Variants in ZNF804A observed in about 807,000 individuals in gnomAD.
ZNF804A encodes the protein zinc finger protein 804A.
ZNF804A carries 2 observed loss-of-function variants against 16.5 expected under a neutral mutation model. That is an observed-to-expected ratio of 0.12 (90% CI 0.05 to 0.38). ZNF804A has a LOEUF of 0.38. Ranked by LOEUF, ZNF804A falls within the 10% of genes least tolerant of loss-of-function variation. The pLI, the probability that ZNF804A is intolerant of heterozygous loss-of-function variation, is 0.99. For missense variants in ZNF804A, 1,473 were observed against 1,390.7 expected (o/e 1.06, Z -0.94); for synonymous variants, 534 against 489.6 (o/e 1.09, Z -1.20).
At chr2:184,916,787 C>T (rs527917318) in intron 2 of ZNF804A, among the ~76,000 whole-genome samples, 2 of 151,686 alleles carry the variant, frequency 1.3e-5, no homozygotes, top group Non-Finnish European at 1.5e-5. Context: ...GGCAGAGGCT[C>T]CAATGAGCTG....
At chr2:184,620,316 G>C (rs1377687709) in intron 1 of ZNF804A, among the ~76,000 whole-genome samples, 2 of 151,592 alleles carry the variant, frequency 1.3e-5, no homozygotes, top group African/African-American at 2.4e-5. Context: ...AAAATATATT[G>C]CTTAATTTTC....
chr2:184,826,997 T>C (rs1337321027), intron 1 of ZNF804A, among the ~76,000 whole-genome samples: 3 of 151,966 alleles, frequency 2.0e-5, no homozygotes, highest in African/African-American at 7.2e-5. Context: ...TATTAAATCT[T>C]GGTCATATAT....
At chr2:184,929,455 A>G (rs141458818) in intron 2 of ZNF804A, among the ~76,000 whole-genome samples, 3 of 152,040 alleles carry the variant, frequency 2.0e-5, no homozygotes, top group African/African-American at 7.2e-5. Flanking sequence ...TGATTATTAC[A>G]TGTATTTTAT....
chr2:184,831,617 T>C (rs1695263009), intron 1 of ZNF804A, among the ~76,000 whole-genome samples: 1 of 151,946 alleles, frequency 6.6e-6, no homozygotes, highest in East Asian at 1.9e-4. Context: ...TGTTGACAGG[T>C]GATTGCTATG....
At chr2:184,788,569 A>G (rs1694485668) in intron 1 of ZNF804A, among the ~76,000 whole-genome samples, 1 of 152,000 alleles carries the variant, frequency 6.6e-6, no homozygotes, top group Non-Finnish European at 1.5e-5. Flanking sequence ...AAATACATCC[A>G]TTAGTATTTT....
At chr2:184,774,612 G>T (rs1694260693) in intron 1 of ZNF804A, among the ~76,000 whole-genome samples, 1 of 151,706 alleles carries the variant, frequency 6.6e-6, no homozygotes, top group Admixed American at 6.6e-5. Context: ...TGGCAGAATT[G>T]ATTCTTCATA....
rs547988732 is a variant in ZNF804A, at chr2:184,857,799, C to A, written c.112-8570C>A. Reference sequence around the variant, plus strand: ...AGCTACTTATTTTGGTTTTCATTTGCATGTACATCTTTTTTCATTTATTTA... The same window carrying A: ...AGCTACTTATTTTGGTTTTCATTTGAATGTACATCTTTTTTCATTTATTTA... On this transcript the variant is annotated intron_variant, in intron 1 of 3. Coordinates refer to ENST00000302277, the MANE Select transcript of ZNF804A (RefSeq NM_194250.2). Among the ~76,000 whole-genome samples the A allele has an allele frequency of 2.6e-5, 4 of 152,182 alleles. No homozygotes were observed. In the East Asian group the frequency reaches 7.7e-4, roughly 29 times the overall value.
At chr2:184,792,680 G>C (rs975058594) in intron 1 of ZNF804A, among the ~76,000 whole-genome samples, 6 of 152,074 alleles carry the variant, frequency 3.9e-5, no homozygotes, top group Non-Finnish European at 7.3e-5. Context: ...ATGAAGTCCA[G>C]TTCATCAATA....
At chr2:184,862,287 C>T (rs1305334783) in intron 1 of ZNF804A, among the ~76,000 whole-genome samples, 4 of 152,150 alleles carry the variant, frequency 2.6e-5, no homozygotes, top group African/African-American at 7.2e-5. Flanking sequence ...ACGTGTCAGC[C>T]TAACTAGGAC....
rs745572925 is a variant in ZNF804A, at chr2:184,936,444, G to C, written c.1048G>C (p.Gly350Arg). The change falls in exon 4 of 4, where the codon GGT becomes CGT. Residue 350 changes from glycine to arginine, a missense_variant. Gly to Arg is a moderately radical substitution (Grantham distance 125). Coordinates refer to ENST00000302277, the MANE Select transcript of ZNF804A (RefSeq NM_194250.2). ...TATTAATGAAGACATACCTGTTAGTGGTAACAGTTTTGAGTTGTTAGGAAA... is the reference window on the plus strand; with the variant it reads ...TATTAATGAAGACATACCTGTTAGTCGTAACAGTTTTGAGTTGTTAGGAAA... ...VVINEDIPVS[G>R]NSFELLGNKS... 6.2e-7 allele frequency: 1 copy of C among 1,613,846 alleles called. No homozygotes were observed. The highest frequency in any genetic ancestry group is 8.5e-7 in the Non-Finnish European group (1 of 1,179,910).
intron 1 of ZNF804A, among the ~76,000 whole-genome samples, chr2:184,680,753 C>T (rs1207252226): frequency 6.6e-6 from 1 of 152,248 alleles, no homozygotes; most frequent in Non-Finnish European, 1.5e-5. Context: ...AGAACTGTAA[C>T]ATGAACAGGG....
intron 1 of ZNF804A, among the ~76,000 whole-genome samples, chr2:184,772,377 A>G (rs1694229323): frequency 1.3e-5 from 2 of 151,720 alleles, no homozygotes; most frequent in Non-Finnish European, 2.9e-5. Flanking sequence ...TTTTCTTATA[A>G]ATAACATTGT....
chr2:184,932,166 C>G (rs898403479), intron 2 of ZNF804A, among the ~76,000 whole-genome samples: 2 of 152,126 alleles, frequency 1.3e-5, no homozygotes, highest in Non-Finnish European at 2.9e-5. Context: ...CTTCTAAGCC[C>G]TCCACACTGT....
chr2:184,708,878 CCTTAT>C (rs972396016), intron 1 of ZNF804A, among the ~76,000 whole-genome samples: 33 of 152,044 alleles, frequency 2.2e-4, no homozygotes, highest in Non-Finnish European at 3.2e-4. Flanking sequence ...CATTCAAACT[CCTTAT>C]CTTAAGTCTA....
intron 2 of ZNF804A, among the ~76,000 whole-genome samples, chr2:184,870,919 T>C (rs1345332810): frequency 6.6e-6 from 1 of 151,870 alleles, no homozygotes; most frequent in Non-Finnish European, 1.5e-5. Flanking sequence ...TTACATATAA[T>C]ATATGCACTC....
At chr2:184,632,820 C>T (rs1364583391) in intron 1 of ZNF804A, among the ~76,000 whole-genome samples, 3 of 152,330 alleles carry the variant, frequency 2.0e-5, no homozygotes, top group East Asian at 1.9e-4. Flanking sequence ...CCTTCCCTAT[C>T]TGGCCAGAGT....
At chr2:184,835,410 T>A (rs1359692412) in intron 1 of ZNF804A, among the ~76,000 whole-genome samples, 1 of 152,108 alleles carries the variant, frequency 6.6e-6, no homozygotes. Flanking sequence ...TGGTAACTTC[T>A]GGGTATCCAG....
chr2:184,724,209 T>C (rs1693365628), intron 1 of ZNF804A, among the ~76,000 whole-genome samples: 3 of 151,714 alleles, frequency 2.0e-5, no homozygotes, highest in African/African-American at 7.2e-5. Flanking sequence ...TAATAAACTG[T>C]GCATAAATTC....
At position 184,687,058 on chromosome 2, in the gene ZNF804A, G is replaced by T. The variant is rs1641682988; in HGVS notation, c.111+87988G>T. 2.0e-5 allele frequency among the ~76,000 whole-genome samples: 3 copies of T among 152,052 alleles called. No homozygotes were observed. The South Asian group carries it at 6.2e-4, about 32-fold the overall frequency. ...TCACTTATAAATTTTTGCTTTTGTTGCGGTTGCTTTGGGGATTTAATAAAA... is the reference window on the plus strand; with the variant it reads ...TCACTTATAAATTTTTGCTTTTGTTTCGGTTGCTTTGGGGATTTAATAAAA... On this transcript the variant is annotated intron_variant, in intron 1 of 3. Coordinates refer to ENST00000302277, the MANE Select transcript of ZNF804A (RefSeq NM_194250.2).
Sources: gnomAD v4.1 joint callset for allele counts (sites outside exome capture counted in the v4.1 genomes callset) on GRCh38, gnomAD v4.1.1 for gene constraint, MANE v1.5 for transcripts, NCBI Gene and HGNC (gene_info 2026-07-23, HGNC 2026-07-21) for gene names.